PCDHGA5: variants seen among roughly 807,000 people sequenced by gnomAD.
PCDHGA5 encodes protocadherin gamma subfamily A, 5.
Under a neutral mutation model 56.7 loss-of-function variants are expected in PCDHGA5, and 36 were observed. The ratio of observed to expected loss-of-function variants is 0.64; its 90% CI spans 0.49 to 0.84. PCDHGA5 has a LOEUF of 0.84. Ranked by LOEUF, PCDHGA5 falls within the 40% of genes least tolerant of loss-of-function variation. The probability of loss-of-function intolerance (pLI) is 0.00; values close to 1 mark genes in which losing one functional copy is unlikely to be tolerated. For missense variants in PCDHGA5, 1,305 were observed against 1,201.5 expected (o/e 1.09, Z -1.27); for synonymous variants, 563 against 520.2 (o/e 1.08, Z -1.12).
Position 141,379,889 on chromosome 5 carries a change from C to CTTTTTTTTTTTTTTTTTTTTTTTTTTT in PCDHGA5, c.2421+13142_2421+13168dup, listed in dbSNP as rs70988800. Among the ~76,000 whole-genome samples the CTTTTTTTTTTTTTTTTTTTTTTTTTTT allele has an allele frequency of 2.4e-4, 12 of 50,832 alleles. 1 individual carries two copies. The highest frequency in any genetic ancestry group is 4.0e-4 in the African/African-American group (6 of 15,086). 33.3% of individuals were successfully genotyped at this position (50,832 alleles called of 152,430 possible). A position where few individuals can be genotyped will look rare whatever the true frequency, so the allele number is the denominator to read the frequency against. On this transcript the variant is annotated intron_variant, in intron 1 of 3. Coordinates refer to ENST00000518069, the MANE Select transcript of PCDHGA5 (RefSeq NM_018918.3). ...CTTATTTTATGGTCTGTGAAAGCCT[C>CTTTTTTTTTTTTTTTTTTTTTTTTTTT]TTTTTTTTTTTTTTTTTTTTTTTTT...
intron 1 of PCDHGA5, chr5:141,419,090 G>T: frequency 6.2e-7 from 1 of 1,613,922 alleles, no homozygotes; most frequent in Non-Finnish European, 8.5e-7. Flanking sequence ...TGAGGCCCTG[G>T]ATCGGGAGCA....
intron 1 of PCDHGA5, among the ~76,000 whole-genome samples, chr5:141,480,187 T>TGAGGCCAGCAGTTC (rs2099513839): frequency 6.6e-6 from 1 of 151,380 alleles, no homozygotes; most frequent in Admixed American, 6.6e-5. Context: ...GCGGATTGCT[T>TGAGGCCAGCAGTTC]GAGGCCAGCA....
intron 1 of PCDHGA5, chr5:141,419,932 C>T: frequency 6.2e-7 from 1 of 1,614,090 alleles, no homozygotes; most frequent in Non-Finnish European, 8.5e-7. Flanking sequence ...TGCAGTTTTA[C>T]CTGGTGGTGG....
chr5:141,382,792 T>C (rs993602404), intron 1 of PCDHGA5: 3 of 949,494 alleles, frequency 3.2e-6, no homozygotes, highest in Middle Eastern at 2.2e-4. Flanking sequence ...GCCTCTATCC[T>C]GCTGGATTCT....
At chr5:141,383,396 C>T (rs749879106) in intron 1 of PCDHGA5, 64 of 1,613,910 alleles carry the variant, frequency 4.0e-5, no homozygotes, top group Non-Finnish European at 5.3e-5. Flanking sequence ...GGCACGAACT[C>T]CCTCCAGAGT....
Position 141,491,034 on chromosome 5 carries a change from T to G in PCDHGA5, c.2422-3773T>G, listed in dbSNP as rs375902824. 1 of 1,614,170 alleles carries G rather than the reference T, an allele frequency of 6.2e-7. No homozygotes were observed. The highest frequency in any genetic ancestry group is 8.5e-7 in the Non-Finnish European group (1 of 1,180,024). On this transcript the variant is annotated intron_variant, in intron 1 of 3. Coordinates refer to ENST00000518069, the MANE Select transcript of PCDHGA5 (RefSeq NM_018918.3). The surrounding 1 kb of genome is among the most constrained non-coding windows in gnomAD (Gnocchi z 6.9). ...CCAAGGTGACAGCCGTGGATGCTGATGCAGGCCACAATGCGTGGCTCTCCT... is the reference window on the plus strand; with the variant it reads ...CCAAGGTGACAGCCGTGGATGCTGAGGCAGGCCACAATGCGTGGCTCTCCT...
intron 1 of PCDHGA5, chr5:141,419,810 C>G (rs368168278): frequency 1.7e-5 from 27 of 1,613,946 alleles, no homozygotes; most frequent in Non-Finnish European, 2.1e-5. Context: ...AGATGGAGGA[C>G]AGCCACCCCT....
intron 1 of PCDHGA5, chr5:141,408,786 C>A: frequency 6.2e-7 from 1 of 1,612,430 alleles, no homozygotes; most frequent in Non-Finnish European, 8.5e-7. Flanking sequence ...CCAGAGTTAT[C>A]TCTGGAGAAA....
In PCDHGA5 at chr5:141,399,258, G is replaced by T; in HGVS notation, c.2421+32507G>T. On this transcript the variant is annotated intron_variant, in intron 1 of 3. Coordinates refer to ENST00000518069, the MANE Select transcript of PCDHGA5 (RefSeq NM_018918.3). ...ACCAAGATTCTGGGGAAAATGGGGA[G>T]GTTAATTGTCAATTACAAGGCGAAG... 4 of 1,613,870 alleles carry T rather than the reference G, an allele frequency of 2.5e-6. No homozygotes were observed. Among genetic ancestry groups the T allele is most frequent in the East Asian group, 2.2e-5 (1 of 44,878 alleles).
chr5:141,436,220 T>C (rs1179034537), intron 1 of PCDHGA5, among the ~76,000 whole-genome samples: 2 of 152,096 alleles, frequency 1.3e-5, no homozygotes, highest in Non-Finnish European at 2.9e-5. Flanking sequence ...ACAAATGACT[T>C]GGGAAACTAA....
At chr5:141,375,253 C>T in intron 1 of PCDHGA5, 1 of 1,613,916 alleles carries the variant, frequency 6.2e-7, no homozygotes, top group East Asian at 2.2e-5. Flanking sequence ...CGAGAAGTCT[C>T]CCATTTGAAT....
chr5:141,389,590 G>C (rs1409328445), intron 1 of PCDHGA5: 1 of 1,613,014 alleles, frequency 6.2e-7, no homozygotes, highest in Non-Finnish European at 8.5e-7. Context: ...GGTCCCGACG[G>C]CTCTGCGCTC....
At chr5:141,469,780 G>A (rs775691161) in intron 1 of PCDHGA5, among the ~76,000 whole-genome samples, 12 of 152,080 alleles carry the variant, frequency 7.9e-5, no homozygotes, top group Non-Finnish European at 1.8e-4. Context: ...ATTTATTACA[G>A]CGTTATTTGT....
intron 1 of PCDHGA5, among the ~76,000 whole-genome samples, chr5:141,465,140 G>A (rs1019369475): frequency 5.3e-5 from 8 of 151,554 alleles, no homozygotes; most frequent in Non-Finnish European, 7.4e-5. Context: ...AAGTTTAGGG[G>A]ATATATGAAG....
rs1394490963 is a variant in PCDHGA5 at position 141,393,307 on chromosome 5, A to G, written c.2421+26556A>G. On this transcript the variant is annotated intron_variant, in intron 1 of 3. Coordinates refer to ENST00000518069, the MANE Select transcript of PCDHGA5 (RefSeq NM_018918.3). ...GCTGTTGACCCGGATGTGGGCGTGAACTCCCTCCAGAGCTACCAGCTCAGC... is the reference window on the plus strand; with the variant it reads ...GCTGTTGACCCGGATGTGGGCGTGAGCTCCCTCCAGAGCTACCAGCTCAGC... 4 of 1,613,476 alleles carry G rather than the reference A, an allele frequency of 2.5e-6. No homozygotes were observed. The highest frequency in any genetic ancestry group is 3.3e-5 in the Admixed American group (2 of 59,966).
chr5:141,479,333 G>A (rs2154577502), intron 1 of PCDHGA5: 1 of 152,652 alleles, frequency 6.6e-6, no homozygotes, highest in East Asian at 1.9e-4. Context: ...TCAGTGGTGT[G>A]CACCTGTAGT....
At position 141,365,340 on chromosome 5, in the gene PCDHGA5, T is replaced by C. The variant is rs776988694; in HGVS notation, c.1010T>C (p.Val337Ala). 5 of 1,613,832 alleles carry C rather than the reference T, an allele frequency of 3.1e-6. No individual in the cohort carries two copies. The highest frequency in any genetic ancestry group is 1.7e-5 in the Admixed American group (1 of 60,002). Reference protein sequence around the residue: ...LVASAKVVVTVQDVNDNAPEV... With the variant: ...LVASAKVVVTAQDVNDNAPEV... ...GCCAGCGCTAAGGTGGTGGTCACAG[T>C]ACAGGACGTGAATGACAATGCCCCC... is the stretch of plus-strand genomic sequence containing the variant. Residue 337 changes from valine (V) to alanine (A), a missense_variant, in exon 1 of 4, where the codon GTA (valine) becomes GCA (alanine). Coordinates refer to ENST00000518069, the MANE Select transcript of PCDHGA5 (RefSeq NM_018918.3).
intron 1 of PCDHGA5, among the ~76,000 whole-genome samples, chr5:141,396,987 T>C (rs2093462210): frequency 6.6e-6 from 1 of 152,232 alleles, no homozygotes; most frequent in Admixed American, 6.5e-5. Context: ...GCTAGTTGTT[T>C]TTATTAATCT....
intron 1 of PCDHGA5, among the ~76,000 whole-genome samples, chr5:141,480,873 C>A (rs1026513782): frequency 6.6e-6 from 1 of 152,168 alleles, no homozygotes; most frequent in East Asian, 1.9e-4. Context: ...GGTGAAACCC[C>A]GTCTCTACTA....
Sources: gnomAD v4.1 joint callset for allele counts (sites outside exome capture counted in the v4.1 genomes callset) on GRCh38, gnomAD v4.1.1 for gene constraint, Gnocchi (gnomAD v3.1) non-coding constraint, MANE v1.5 for transcripts, NCBI Gene and HGNC (gene_info 2026-07-23, HGNC 2026-07-21) for gene names.